The following LRRC69 variants were observed in gnomAD, a reference collection of about 807,000 sequenced individuals.
LRRC69 encodes leucine-rich repeat-containing protein 69.
Under a neutral mutation model 37.8 loss-of-function variants are expected in LRRC69, and 42 were observed. The observed-to-expected ratio is 1.11, with a 90% CI of 0.87 to 1.44. LRRC69 has a LOEUF of 1.44. Ranked by LOEUF, LRRC69 falls within the 40% of genes most tolerant of loss-of-function variation. The pLI, the probability that LRRC69 is intolerant of heterozygous loss-of-function variation, is 0.00. For missense variants in LRRC69, 357 were observed against 401.9 expected (o/e 0.89, Z 0.96); for synonymous variants, 141 against 143.1 (o/e 0.99, Z 0.11).
intron 5 of LRRC69, among the ~76,000 whole-genome samples, chr8:91,141,373 A>G (rs1386165461): frequency 6.6e-6 from 1 of 152,092 alleles, no homozygotes; most frequent in Non-Finnish European, 1.5e-5. Context: ...TACATCTGCA[A>G]AGACTCTGTT....
intron 5 of LRRC69, among the ~76,000 whole-genome samples, chr8:91,181,705 G>T (rs986947341): frequency 1.3e-5 from 2 of 152,178 alleles, no homozygotes; most frequent in Admixed American, 1.3e-4. Context: ...ACAATGCAGA[G>T]TTAATAGGAA....
intron 6 of LRRC69, among the ~76,000 whole-genome samples, chr8:91,196,536 G>A (rs1359625285): frequency 6.6e-6 from 1 of 152,082 alleles, no homozygotes; most frequent in African/African-American, 2.4e-5. Flanking sequence ...TGGAGGGTTT[G>A]CTCATTTCTT....
chr8:91,157,147 G>T (rs1808849689), intron 5 of LRRC69: 1 of 692,402 alleles, frequency 1.4e-6, no homozygotes, highest in Non-Finnish European at 2.6e-6. Flanking sequence ...CTCTGTTTCT[G>T]TGAAGAGTGT....
chr8:91,193,691 T>G (rs1809542903), intron 6 of LRRC69, among the ~76,000 whole-genome samples: 1 of 109,612 alleles, frequency 9.1e-6, no homozygotes, highest in Admixed American at 1.0e-4. Flanking sequence ...TTTTTGTACA[T>G]TGATTTTGTA....
At chr8:91,167,193 G>A (rs1227448032) in intron 5 of LRRC69, among the ~76,000 whole-genome samples, 1 of 151,762 alleles carries the variant, frequency 6.6e-6, no homozygotes, top group Non-Finnish European at 1.5e-5. Flanking sequence ...CCCGAGACTG[G>A]GTAATTATAA....
chr8:91,169,847 A>G (rs1376968380), intron 5 of LRRC69, among the ~76,000 whole-genome samples: 1 of 136,926 alleles, frequency 7.3e-6, no homozygotes, highest in Non-Finnish European at 1.6e-5. Context: ...TACAAAGGAC[A>G]TGAACTCATC....
intron 5 of LRRC69, among the ~76,000 whole-genome samples, chr8:91,155,897 T>TAC (rs1808826325): frequency 6.8e-6 from 1 of 147,802 alleles, no homozygotes; most frequent in African/African-American, 2.5e-5. Flanking sequence ...CATATATATA[T>TAC]ACAACATATA....
intron 7 of LRRC69, among the ~76,000 whole-genome samples, chr8:91,210,904 G>A (rs1010083627): frequency 6.6e-5 from 10 of 152,030 alleles, no homozygotes; most frequent in Non-Finnish European, 1.3e-4. Flanking sequence ...TGAGTTCCAA[G>A]CAGAACAAAC....
intron 5 of LRRC69, among the ~76,000 whole-genome samples, chr8:91,186,355 A>C (rs1218610891): frequency 6.6e-6 from 1 of 152,208 alleles, no homozygotes; most frequent in Non-Finnish European, 1.5e-5. Flanking sequence ...GGAGACAAGG[A>C]AACATTCGAT....
At chr8:91,174,193 G>T (rs1332596322) in intron 5 of LRRC69, among the ~76,000 whole-genome samples, 6 of 152,022 alleles carry the variant, frequency 3.9e-5, no homozygotes, top group Admixed American at 1.3e-4. Context: ...CTGTGTGGAA[G>T]AAATGAATTA....
In LRRC69 at chr8:91,102,853, C is replaced by A. The variant is rs1207688482; in HGVS notation, c.183+9C>A. ...TATGCAACTTGACCCAGGTGAGGAACAGTGTTTTGCTGTTGTGGTTTGGTA... is the reference window on the plus strand; with the variant it reads ...TATGCAACTTGACCCAGGTGAGGAAAAGTGTTTTGCTGTTGTGGTTTGGTA... On this transcript the variant is annotated intron_variant, in intron 1 of 7. Coordinates refer to ENST00000448384, the Ensembl canonical transcript of LRRC69. 1 of 1,534,466 alleles carries A rather than the reference C, an allele frequency of 6.5e-7. No homozygotes were observed. The highest frequency in any genetic ancestry group is 8.8e-7 in the Non-Finnish European group (1 of 1,139,802).
chr8:91,192,410 G>A (rs983302508), intron 6 of LRRC69, among the ~76,000 whole-genome samples: 3 of 151,848 alleles, frequency 2.0e-5, no homozygotes, highest in Non-Finnish European at 4.4e-5. Context: ...AGATCCCTGA[G>A]GAATCGCCAC....
At chr8:91,115,283 T>C (rs1361511115) in intron 1 of LRRC69, among the ~76,000 whole-genome samples, 1 of 151,916 alleles carries the variant, frequency 6.6e-6, no homozygotes, top group Non-Finnish European at 1.5e-5. Flanking sequence ...TAGGATGAGA[T>C]TTTCTTTTGC....
intron 5 of LRRC69, among the ~76,000 whole-genome samples, chr8:91,182,378 A>G (rs1394714516): frequency 6.6e-6 from 1 of 152,182 alleles, no homozygotes; most frequent in Non-Finnish European, 1.5e-5. Flanking sequence ...TAAGGGGCAT[A>G]AGATAGTTAA....
intron 3 of LRRC69, among the ~76,000 whole-genome samples, chr8:91,130,085 T>G (rs1203953916): frequency 1.3e-5 from 2 of 152,030 alleles, no homozygotes; most frequent in Non-Finnish European, 2.9e-5. Context: ...TCCAGTGAAT[T>G]CTTACCTCTC....
Position 91,105,748 on chromosome 8 carries a change from G to A in LRRC69, c.183+2904G>A, listed in dbSNP as rs571421597. ...TGAAAAGGAGAGTTTAGAAGTGCTGGCACAACTTAACTGGTTCAGCAGTTA... is the reference window on the plus strand; with the variant it reads ...TGAAAAGGAGAGTTTAGAAGTGCTGACACAACTTAACTGGTTCAGCAGTTA... On this transcript the variant is annotated intron_variant, in intron 1 of 7. Transcript: ENST00000448384. Among the ~76,000 whole-genome samples the A allele has an allele frequency of 2.0e-4, 30 of 151,834 alleles. No individual in the cohort carries two copies. In the South Asian group the frequency reaches 6.2e-3, roughly 32 times the overall value.
chr8:91,190,248 C>A (rs947077005), intron 6 of LRRC69, among the ~76,000 whole-genome samples: 1 of 150,252 alleles, frequency 6.7e-6, no homozygotes, highest in Admixed American at 6.6e-5. Context: ...AACATCCAGT[C>A]TTGTCCAGTG....
At chr8:91,172,182 T>C (rs913894973) in intron 5 of LRRC69, among the ~76,000 whole-genome samples, 2 of 152,008 alleles carry the variant, frequency 1.3e-5, no homozygotes, top group East Asian at 3.9e-4. Flanking sequence ...GGTAGGATTC[T>C]TCACACTTCT....
chr8:91,139,182 T>G (rs547972107), intron 5 of LRRC69: 5 of 152,070 alleles, frequency 3.3e-5, no homozygotes, highest in Admixed American at 2.6e-4. Context: ...AACTTAAAAA[T>G]TTTGTAAGTT....
Sources: allele counts gnomAD v4.1 joint callset (sites outside exome capture counted in the v4.1 genomes callset), GRCh38; gene constraint gnomAD v4.1.1; transcripts MANE v1.5; gene names NCBI Gene and HGNC (gene_info 2026-07-23, HGNC 2026-07-21).